TSHZ2: variants seen among roughly 807,000 people sequenced by gnomAD.
TSHZ2 encodes the protein teashirt zinc finger homeobox 2, also known as teashirt homolog 2.
In TSHZ2, 21 loss-of-function variants were observed where a neutral mutation model predicts 74.4. The ratio of observed to expected loss-of-function variants is 0.28; its 90% CI spans 0.20 to 0.41. TSHZ2 has a LOEUF of 0.41. Ranked by LOEUF, TSHZ2 falls within the 10% of genes least tolerant of loss-of-function variation. The probability of loss-of-function intolerance (pLI) is 1.00; values close to 1 mark genes in which losing one functional copy is unlikely to be tolerated. For missense variants in TSHZ2, 1,244 were observed against 1,293.5 expected (o/e 0.96, Z 0.59); for synonymous variants, 540 against 515.3 (o/e 1.05, Z -0.65).
intron 2 of TSHZ2, among the ~76,000 whole-genome samples, chr20:53,379,257 CTG>C (rs1310334774): frequency 6.6e-6 from 1 of 152,186 alleles, no homozygotes; most frequent in Non-Finnish European, 1.5e-5. Flanking sequence ...TGTCACGCGC[CTG>C]TAGTCCTAGC....
At chr20:53,294,482 A>AG (rs1991339480) in intron 2 of TSHZ2, among the ~76,000 whole-genome samples, 1 of 150,450 alleles carries the variant, frequency 6.6e-6, no homozygotes, top group Non-Finnish European at 1.5e-5. Context: ...TAAAAAAAAA[A>AG]GAGAGAGAGA....
At chr20:53,260,934 C>T (rs956558379) in intron 2 of TSHZ2, among the ~76,000 whole-genome samples, 1 of 152,216 alleles carries the variant, frequency 6.6e-6, no homozygotes, top group Non-Finnish European at 1.5e-5. Flanking sequence ...ATAACAATGA[C>T]AGTGAAACTA....
chr20:53,416,378 A>G (rs1471967789), intron 2 of TSHZ2, among the ~76,000 whole-genome samples: 3 of 152,214 alleles, frequency 2.0e-5, no homozygotes, highest in Non-Finnish European at 4.4e-5. Flanking sequence ...ACCCTGCGTC[A>G]TTCCTTCAGA....
At chr20:53,123,864 C>T (rs1269478652) in intron 1 of TSHZ2, among the ~76,000 whole-genome samples, 1 of 152,122 alleles carries the variant, frequency 6.6e-6, no homozygotes, top group Non-Finnish European at 1.5e-5. Context: ...AAACTGGACT[C>T]CTAAGTGCAT....
At chr20:53,235,820 G>T (rs1237462698) in intron 1 of TSHZ2, among the ~76,000 whole-genome samples, 1 of 152,168 alleles carries the variant, frequency 6.6e-6, no homozygotes, top group East Asian at 1.9e-4. Flanking sequence ...TAGCAATTGA[G>T]TTAGTTGAAC....
rs1211599876 is a variant in TSHZ2 at position 53,054,026 on chromosome 20, G to A, written c.40+80693G>A. On this transcript the variant is annotated intron_variant, in intron 1 of 2. Transcript: ENST00000371497. Reference sequence around the variant, plus strand: ...GAGTGCCAGATTAAAAGATCCTTAGGGGTTTGGACAACATATTTCCTTGCT... The same window carrying A: ...GAGTGCCAGATTAAAAGATCCTTAGAGGTTTGGACAACATATTTCCTTGCT... Among the ~76,000 whole-genome samples the A allele has an allele frequency of 3.3e-5, 5 of 152,238 alleles. No homozygotes were observed. In the East Asian group the frequency reaches 9.7e-4, roughly 29 times the overall value.
intron 2 of TSHZ2, among the ~76,000 whole-genome samples, chr20:53,445,982 A>ACC (rs970740670): frequency 1.8e-4 from 28 of 152,214 alleles, no homozygotes; most frequent in African/African-American, 6.7e-4. Flanking sequence ...GTTTGGTCCC[A>ACC]CCTCTTCCAC....
chr20:53,345,886 G>C (rs1485498868), intron 2 of TSHZ2, among the ~76,000 whole-genome samples: 1 of 152,044 alleles, frequency 6.6e-6, no homozygotes, highest in African/African-American at 2.4e-5. Flanking sequence ...CTGACCACGA[G>C]GCACCGGCAG....
chr20:53,293,175 T>G (rs192566066), intron 2 of TSHZ2, among the ~76,000 whole-genome samples: 1 of 152,300 alleles, frequency 6.6e-6, no homozygotes, highest in Non-Finnish European at 1.5e-5. Flanking sequence ...TATAAATTAA[T>G]ACATGAGCCA....
intron 2 of TSHZ2, among the ~76,000 whole-genome samples, chr20:53,348,489 G>A (rs140451138): frequency 1.3e-5 from 2 of 151,936 alleles, no homozygotes; most frequent in African/African-American, 4.8e-5. Context: ...CTAGTTAGAA[G>A]GGCCATTCAC....
intron 2 of TSHZ2, among the ~76,000 whole-genome samples, chr20:53,347,770 C>T (rs372804070): frequency 2.6e-4 from 40 of 152,208 alleles, no homozygotes; most frequent in African/African-American, 8.7e-4. Context: ...GCCCAGAATC[C>T]GTTAGCTATT....
chr20:53,463,396 A>AAGGG (rs1985447090), intron 2 of TSHZ2, among the ~76,000 whole-genome samples: 1 of 98,568 alleles, frequency 1.0e-5, no homozygotes, highest in Admixed American at 1.0e-4. Flanking sequence ...GGAAGGAAGG[A>AAGGG]AGGAAGGAAG....
At chr20:53,469,355 C>G (rs555198949) in intron 2 of TSHZ2, among the ~76,000 whole-genome samples, 6 of 151,618 alleles carry the variant, frequency 4.0e-5, no homozygotes, top group South Asian at 2.1e-4. Flanking sequence ...ACCAGCCTGG[C>G]CAACATGGTG....
chr20:53,485,666 G>A (rs986180819), intron 2 of TSHZ2, among the ~76,000 whole-genome samples: 5 of 151,312 alleles, frequency 3.3e-5, no homozygotes, highest in African/African-American at 1.2e-4. Context: ...CCCACATCGT[G>A]CCACTGCACT....
At chr20:53,193,427 C>T (rs958905469) in intron 1 of TSHZ2, among the ~76,000 whole-genome samples, 2 of 152,142 alleles carry the variant, frequency 1.3e-5, no homozygotes, top group Non-Finnish European at 2.9e-5. Flanking sequence ...GTCATCAACT[C>T]GTTATGCACT....
intron 2 of TSHZ2, among the ~76,000 whole-genome samples, chr20:53,364,233 G>C (rs560742463): frequency 6.6e-6 from 1 of 152,214 alleles, no homozygotes; most frequent in East Asian, 1.9e-4. Context: ...AAGGACCGCC[G>C]TGTGGGAAGA....
chr20:53,254,252 A>G lies in TSHZ2; in HGVS notation c.794A>G (p.Asp265Gly), dbSNP rs1226712543. ...YSKPRKRAFQDMDKEDAQKVL... is the reference protein window; with the variant it reads ...YSKPRKRAFQGMDKEDAQKVL... ...AAGCCCAGGAAAAGGGCTTTCCAGG[A>G]TATGGACAAAGAGGATGCTCAAAAG... The change falls in exon 2 of 3, where the codon GAT (aspartate) becomes GGT (glycine). Residue 265 changes from aspartate (D) to glycine (G), a missense_variant. Physicochemically the swap from Asp to Gly is moderately conservative, Grantham distance 94. This residue lies in a region of TSHZ2 where 470 missense variants were observed against 456.5 expected (regional missense o/e 1.03). Coordinates refer to ENST00000371497, the MANE Select transcript of TSHZ2 (RefSeq NM_173485.6). 3 of 1,613,998 alleles carry G rather than the reference A, an allele frequency of 1.9e-6. No individual in the cohort carries two copies. The African/African-American group carries it at 4.0e-5, about 22-fold the overall frequency.
intron 1 of TSHZ2, among the ~76,000 whole-genome samples, chr20:53,182,431 A>T (rs926757871): frequency 6.6e-6 from 1 of 152,238 alleles, no homozygotes; most frequent in African/African-American, 2.4e-5. Flanking sequence ...AAAGTGGATT[A>T]TCCAGTCATG....
chr20:52,987,325 T>C (rs147970555), intron 1 of TSHZ2, among the ~76,000 whole-genome samples: 3 of 152,312 alleles, frequency 2.0e-5, no homozygotes, highest in Non-Finnish European at 4.4e-5. Flanking sequence ...TCTGATTCCA[T>C]AGGAGGGGAA....
Sources: allele counts gnomAD v4.1 joint callset (sites outside exome capture counted in the v4.1 genomes callset), GRCh38; gene constraint gnomAD v4.1.1; regional missense constraint gnomAD v4.1.1; transcripts MANE v1.5; gene names NCBI Gene and HGNC (gene_info 2026-07-23, HGNC 2026-07-21).